DLG2: variants seen among roughly 807,000 people sequenced by gnomAD.
DLG2 encodes disks large homolog 2.
DLG2 carries 45 observed loss-of-function variants against 132.5 expected under a neutral mutation model. The ratio of observed to expected loss-of-function variants is 0.34; its 90% CI spans 0.27 to 0.44. The LOEUF (loss-of-function observed/expected upper bound fraction) is 0.44, where lower values mean the gene tolerates loss of function less well. Among genes scored for constraint, DLG2 ranks in the 20% least tolerant of loss-of-function variants. DLG2 has a pLI of 1.00. For synonymous variants in DLG2, 424 were observed against 419.6 expected (o/e 1.01, Z -0.13); for missense variants, 1,045 against 1,196.9 (o/e 0.87, Z 1.87).
chr11:85,057,899 C>T (rs1359139182), intron 6 of DLG2, among the ~76,000 whole-genome samples: 1 of 151,426 alleles, frequency 6.6e-6, no homozygotes, highest in Non-Finnish European at 1.5e-5. Context: ...AAGTTCAACA[C>T]TTATTTTTAA....
chr11:84,591,314 G>GT (rs770850415), intron 6 of DLG2, among the ~76,000 whole-genome samples: 2,279 of 129,248 alleles, frequency 0.018, 70 homozygotes, highest in Admixed American at 0.078. Context: ...ACCATGCCTT[G>GT]TTTTTTTTTT....
Position 85,588,409 on chromosome 11 carries a change from A to T in DLG2, c.40+10248T>A, listed in dbSNP as rs566349607. On this transcript the variant is annotated intron_variant, in intron 3 of 27. Transcript: ENST00000376104. ...TTCTTTGTCTTTTTTGGATTAGGTTACTTCGAAAGCCTTGTCTTCAAGCTC... is the reference window on the plus strand; with the variant it reads ...TTCTTTGTCTTTTTTGGATTAGGTTTCTTCGAAAGCCTTGTCTTCAAGCTC... Among the ~76,000 whole-genome samples, 61 of 152,062 alleles carry T rather than the reference A, an allele frequency of 4.0e-4. 1 individual carries two copies. In the South Asian group the frequency reaches 0.012, roughly 31 times the overall value.
chr11:84,389,211 T>G (rs913368806), intron 7 of DLG2, among the ~76,000 whole-genome samples: 2 of 152,142 alleles, frequency 1.3e-5, no homozygotes, highest in African/African-American at 4.8e-5. Context: ...ATTATGTTGT[T>G]GTATTACTTA....
intron 6 of DLG2, among the ~76,000 whole-genome samples, chr11:84,585,822 G>A (rs897885025): frequency 5.3e-5 from 8 of 152,154 alleles, no homozygotes; most frequent in African/African-American, 7.2e-5. Context: ...TAAATCTTCT[G>A]TAACTTTAGT....
At chr11:83,865,583 A>T (rs1214392640) in intron 16 of DLG2, among the ~76,000 whole-genome samples, 1 of 151,878 alleles carries the variant, frequency 6.6e-6, no homozygotes, top group Non-Finnish European at 1.5e-5. Context: ...CAGAAAATAA[A>T]AGGGGCCAAG....
intron 6 of DLG2, among the ~76,000 whole-genome samples, chr11:84,712,890 G>A (rs922704496): frequency 2.6e-5 from 4 of 152,190 alleles, no homozygotes; most frequent in Non-Finnish European, 5.9e-5. Context: ...CATTGAGTTC[G>A]AAACTAGAAG....
rs553630794 is a variant in DLG2, at chr11:83,662,523, T to C, written c.1826-29198A>G. ...AATACTTCTAAGGAACCTGCTATAA[T>C]TCTGGCTCTATGGAATGCATCAATA... On this transcript the variant is annotated intron_variant, in intron 18 of 27. Transcript: ENST00000376104. Among the ~76,000 whole-genome samples the C allele has an allele frequency of 1.0e-3, 155 of 152,344 alleles. 1 individual carries two copies. The highest frequency in any genetic ancestry group is 8.9e-3 in the South Asian group (43 of 4,826).
intron 3 of DLG2, among the ~76,000 whole-genome samples, chr11:85,478,214 G>A (rs570770006): frequency 1.6e-4 from 24 of 151,880 alleles, no homozygotes; most frequent in African/African-American, 5.8e-4. Context: ...TAGAGAGAGG[G>A]TCTCACTATG....
intron 3 of DLG2, among the ~76,000 whole-genome samples, chr11:85,321,163 G>A (rs531858409): frequency 7.2e-5 from 11 of 152,066 alleles, no homozygotes; most frequent in African/African-American, 2.4e-4. Context: ...TTGAAGATAG[G>A]GAGAAAGAGA....
At chr11:85,389,014 C>A (rs2086582638) in intron 3 of DLG2, among the ~76,000 whole-genome samples, 1 of 151,758 alleles carries the variant, frequency 6.6e-6, no homozygotes, top group Admixed American at 6.6e-5. Flanking sequence ...TTCTGAATTG[C>A]CAAAATATAA....
chr11:85,322,897 A>G (rs1258654029), intron 3 of DLG2, among the ~76,000 whole-genome samples: 2 of 152,328 alleles, frequency 1.3e-5, no homozygotes, highest in African/African-American at 4.8e-5. Context: ...GCACTACCAC[A>G]AGAGCCTATG....
At chr11:84,381,711 T>C (rs2098749616) in intron 7 of DLG2, among the ~76,000 whole-genome samples, 1 of 152,194 alleles carries the variant, frequency 6.6e-6, no homozygotes, top group Non-Finnish European at 1.5e-5. Context: ...AACCAGTGTA[T>C]CATTTTCTGT....
chr11:84,766,137 T>C (rs539299970), intron 6 of DLG2, among the ~76,000 whole-genome samples: 32 of 152,054 alleles, frequency 2.1e-4, no homozygotes, highest in Middle Eastern at 6.8e-3. Context: ...GGAAGGAACA[T>C]TGTGGAGATG....
chr11:84,359,112 G>T (rs2098635039), intron 7 of DLG2, among the ~76,000 whole-genome samples: 1 of 151,898 alleles, frequency 6.6e-6, no homozygotes, highest in Admixed American at 6.6e-5. Flanking sequence ...CCAAGAAAAT[G>T]ATTCCATTTT....
intron 11 of DLG2, among the ~76,000 whole-genome samples, chr11:84,051,023 A>G (rs1364041764): frequency 1.3e-5 from 2 of 151,978 alleles, no homozygotes; most frequent in Non-Finnish European, 2.9e-5. Context: ...ACATGAAAAA[A>G]TGCTCATCAT....
chr11:83,608,258 A>G (rs1037242952), intron 19 of DLG2, among the ~76,000 whole-genome samples: 1 of 152,198 alleles, frequency 6.6e-6, no homozygotes, highest in African/African-American at 2.4e-5. Context: ...ATTAGCCTAC[A>G]GTGGGCAAAA....
At position 85,331,365 on chromosome 11, in the gene DLG2, G is replaced by A. The variant is rs185895370; in HGVS notation, c.41-46000C>T. 9.2e-5 allele frequency among the ~76,000 whole-genome samples: 14 copies of A among 152,178 alleles called. No homozygotes were observed. The East Asian group carries it at 9.6e-4, about 10-fold the overall frequency. On this transcript the variant is annotated intron_variant, in intron 3 of 27. Transcript: ENST00000376104. ...CATATTCACTTTTAAAGATGCTAGC[G>A]GTAATAAAATCATTTAACTTCTTTT...
intron 10 of DLG2, among the ~76,000 whole-genome samples, chr11:84,072,620 G>T (rs985826396): frequency 6.6e-6 from 1 of 152,210 alleles, no homozygotes; most frequent in African/African-American, 2.4e-5. Flanking sequence ...CAGTTTAGTG[G>T]CTGATGAGGT....
chr11:85,621,290 A>G (rs528797637), intron 2 of DLG2, among the ~76,000 whole-genome samples: 7 of 152,284 alleles, frequency 4.6e-5, no homozygotes, highest in Admixed American at 2.6e-4. Flanking sequence ...AAGAGCTCCA[A>G]TGAACATATA....
Sources: gnomAD v4.1 joint callset for allele counts (sites outside exome capture counted in the v4.1 genomes callset) on GRCh38, gnomAD v4.1.1 for gene constraint, MANE v1.5 for transcripts, NCBI Gene and HGNC (gene_info 2026-07-23, HGNC 2026-07-21) for gene names.